The following PPFIBP2 variants were observed in gnomAD, a reference collection of about 807,000 sequenced individuals.
PPFIBP2 encodes liprin-beta-2.
A neutral mutation model predicts 118.3 loss-of-function variants in PPFIBP2; 118 were observed. The observed-to-expected ratio is 1.00, with a 90% confidence interval of 0.86 to 1.16. PPFIBP2 has a LOEUF of 1.16. PPFIBP2 is among the 50% of genes most tolerant of loss of function. PPFIBP2 has a pLI of 0.00. For missense variants in PPFIBP2, 1,195 were observed against 1,073.1 expected (o/e 1.11, Z -1.59); for synonymous variants, 414 against 397.4 (o/e 1.04, Z -0.50).
rs1297803697 is a variant in PPFIBP2 at position 7,621,130 on chromosome 11, A to T, written c.711+103A>T. The T allele has an allele frequency of 3.5e-6, 3 of 856,714 alleles. No individual in the cohort carries two copies. In the African/African-American group the frequency reaches 5.0e-5, roughly 14 times the overall value. 53.1% of individuals were successfully genotyped at this position (856,714 alleles called of 1,614,324 possible). On this transcript the variant is annotated intron_variant, in intron 7 of 23. Transcript: ENST00000299492. ...CCAGTAGCCTAAGTTTGAAAATGCA[A>T]ATCAACCCTCCAGTGTGGACACACA... is the stretch of plus-strand genomic sequence containing the variant.
intron 2 of PPFIBP2, among the ~76,000 whole-genome samples, chr11:7,561,368 C>A (rs1253107514): frequency 6.6e-6 from 1 of 152,110 alleles, no homozygotes; most frequent in African/African-American, 2.4e-5. Flanking sequence ...GCCTGGCCTA[C>A]AAGTAGGTTT....
intron 17 of PPFIBP2, 86 bp from the exon 18 acceptor site, chr11:7,648,301 T>C: frequency 6.9e-7 from 1 of 1,443,666 alleles, no homozygotes; most frequent in Non-Finnish European, 9.4e-7. Context: ...TTTTTTCTTT[T>C]CTTTTCTTTT....
At chr11:7,565,247 G>C (rs561819632) in intron 2 of PPFIBP2, among the ~76,000 whole-genome samples, 21 of 152,246 alleles carry the variant, frequency 1.4e-4, no homozygotes, top group Non-Finnish European at 2.4e-4. Flanking sequence ...ATTCAGCTGG[G>C]GTCCAGGTGG....
chr11:7,572,930 C>T (rs987840625), intron 3 of PPFIBP2, among the ~76,000 whole-genome samples: 1 of 152,192 alleles, frequency 6.6e-6, no homozygotes, highest in Admixed American at 6.5e-5. Context: ...CAGTTGTGCA[C>T]CACCACACCC....
the PPFIBP2 span, chr11:7,665,676 A>G: frequency 1.7e-6 from 2 of 1,179,316 alleles, no homozygotes; most frequent in African/African-American, 1.6e-5. Flanking sequence ...AGAAGTCTGT[A>G]CTACTGCTCC....
At chr11:7,539,214 G>C (rs997595059) in intron 1 of PPFIBP2, 1 of 152,476 alleles carries the variant, frequency 6.6e-6, no homozygotes, top group African/African-American at 2.4e-5. Context: ...TCAGCAGCCT[G>C]GCCCCTCTGT....
chr11:7,584,720 G>A (rs1208281793), intron 3 of PPFIBP2, among the ~76,000 whole-genome samples: 1 of 152,170 alleles, frequency 6.6e-6, no homozygotes, highest in Non-Finnish European at 1.5e-5. Context: ...TGTAGCTTTT[G>A]TGATCCAATC....
At position 7,616,770 on chromosome 11, in the gene PPFIBP2, G is replaced by A. The variant is rs1565064481; in HGVS notation, c.619-4165G>A. Among the ~76,000 whole-genome samples the A allele has an allele frequency of 2.0e-5, 3 of 151,866 alleles. No individual in the cohort carries two copies. Among genetic ancestry groups the A allele is most frequent in the Admixed American group, 6.6e-5 (1 of 15,240 alleles). Reference sequence around the variant, plus strand: ...ATATGTGGAGAGAGGACGTGTTTGTGTGTGTGCCCCAGTGTGCACCCATCT... The same window carrying A: ...ATATGTGGAGAGAGGACGTGTTTGTATGTGTGCCCCAGTGTGCACCCATCT... On this transcript the variant is annotated intron_variant, in intron 6 of 23. Transcript: ENST00000299492. This position sits in a 1 kb window ranked among gnomAD's most constrained non-coding sequence, Gnocchi z 5.2.
chr11:7,596,183 C>T (rs549738318), intron 4 of PPFIBP2, among the ~76,000 whole-genome samples: 7 of 152,178 alleles, frequency 4.6e-5, no homozygotes, highest in Non-Finnish European at 8.8e-5. Context: ...AATGTTTAAC[C>T]CTCATAATAA....
Position 7,601,271 on chromosome 11 carries a change from A to G in PPFIBP2, c.486+3598A>G, listed in dbSNP as rs1255213743. On this transcript the variant is annotated intron_variant, in intron 5 of 23. Transcript: ENST00000299492. Reference sequence around the variant, plus strand: ...TCCCATCTGTTTTTGTCTACACATGAACTCATCCAGCCTCCAGAAAGAGCA... The same window carrying G: ...TCCCATCTGTTTTTGTCTACACATGGACTCATCCAGCCTCCAGAAAGAGCA... Among the ~76,000 whole-genome samples, 4 of 152,336 alleles carry G rather than the reference A, an allele frequency of 2.6e-5. No individual in the cohort carries two copies. The South Asian group carries it at 8.3e-4, about 32-fold the overall frequency.
At chr11:7,615,757 G>T (rs532945922) in intron 6 of PPFIBP2, among the ~76,000 whole-genome samples, 32 of 152,348 alleles carry the variant, frequency 2.1e-4, no homozygotes, top group Admixed American at 3.3e-4. Flanking sequence ...TAGGTACCTT[G>T]AGAGAAAGTG....
At chr11:7,618,446 A>G (rs1445985574) in intron 6 of PPFIBP2, among the ~76,000 whole-genome samples, 1 of 152,174 alleles carries the variant, frequency 6.6e-6, no homozygotes, top group Non-Finnish European at 1.5e-5. Flanking sequence ...CTCAGGCAGT[A>G]GGAACCTGTA....
intron 14 of PPFIBP2, among the ~76,000 whole-genome samples, chr11:7,639,392 AAT>A (rs1462647264): frequency 6.6e-6 from 1 of 152,238 alleles, no homozygotes; most frequent in Non-Finnish European, 1.5e-5. Flanking sequence ...CTTACAGAGT[AAT>A]TCACGGCTGT....
At chr11:7,536,332 G>C (rs1027257124) in intron 1 of PPFIBP2, among the ~76,000 whole-genome samples, 1 of 152,190 alleles carries the variant, frequency 6.6e-6, no homozygotes, top group African/African-American at 2.4e-5. Context: ...GTGTCAGAGA[G>C]CACGGGAGGT....
intron 3 of PPFIBP2, among the ~76,000 whole-genome samples, chr11:7,572,347 T>C (rs1252424053): frequency 6.6e-6 from 1 of 152,166 alleles, no homozygotes; most frequent in African/African-American, 2.4e-5. Flanking sequence ...CACTGCAAAT[T>C]TAGCAGTTTC....
intron 2 of PPFIBP2, among the ~76,000 whole-genome samples, chr11:7,559,785 A>G (rs555917613): frequency 2.0e-5 from 3 of 152,186 alleles, no homozygotes; most frequent in African/African-American, 4.8e-5. Context: ...TCAAGCCCCA[A>G]TCTCGGTTCC....
At chr11:7,523,546 A>G (rs1226701619) in intron 1 of PPFIBP2, among the ~76,000 whole-genome samples, 1 of 152,104 alleles carries the variant, frequency 6.6e-6, no homozygotes, top group Non-Finnish European at 1.5e-5. Flanking sequence ...AGGCCAAAAT[A>G]TGTGCACGAG....
rs765654619 is a variant in PPFIBP2 at position 7,597,572 on chromosome 11, A to G, written c.385A>G (p.Thr129Ala). ...TTTCCTGGAACAGGTGAGTGTCCTC[A>G]CAGACCAAGTAGAAGCCCAGGGAGA... ...ESLILQVSVLTDQVEAQGEKI... is the reference protein window; with the variant it reads ...ESLILQVSVLADQVEAQGEKI... Residue 129 changes from threonine (T) to alanine (A), a missense_variant, in exon 5 of 24, where the codon ACA (threonine) becomes GCA (alanine). Thr to Ala is a moderately conservative substitution (Grantham distance 58). Coordinates refer to ENST00000299492, the MANE Select transcript of PPFIBP2 (RefSeq NM_003621.5). The G allele has an allele frequency of 1.9e-6, 3 of 1,613,706 alleles. No individual in the cohort carries two copies. The African/African-American group carries it at 4.0e-5, about 22-fold the overall frequency.
downstream of PPFIBP2, among the ~76,000 whole-genome samples, chr11:7,656,249 A>G (rs1450564428): frequency 6.6e-6 from 1 of 152,186 alleles, no homozygotes; most frequent in African/African-American, 2.4e-5. Flanking sequence ...TGGACATTCC[A>G]TCACTGAGCC....
Sources: gnomAD v4.1 joint callset for allele counts (sites outside exome capture counted in the v4.1 genomes callset) on GRCh38, gnomAD v4.1.1 for gene constraint, Gnocchi (gnomAD v3.1) non-coding constraint, MANE v1.5 for transcripts, NCBI Gene and HGNC (gene_info 2026-07-23, HGNC 2026-07-21) for gene names.